The following TM6SF1 variants were observed in gnomAD, a reference collection of about 807,000 sequenced individuals.
The protein encoded by TM6SF1 is transmembrane 6 superfamily member 1.
TM6SF1 carries 43 observed loss-of-function variants against 47.1 expected under a neutral mutation model. The observed-to-expected ratio is 0.91, with a 90% CI of 0.72 to 1.18. The LOEUF is 1.18. TM6SF1 is among the 50% of genes most tolerant of loss of function. The pLI, the probability that TM6SF1 is intolerant of heterozygous loss-of-function variation, is 0.00. For missense variants in TM6SF1, 390 were observed against 449.0 expected (o/e 0.87, Z 1.19); for synonymous variants, 177 against 166.3 (o/e 1.06, Z -0.49).
chr15:83,112,298 CACATA>C (rs1005392519), intron 1 of TM6SF1, among the ~76,000 whole-genome samples: 38 of 152,312 alleles, frequency 2.5e-4, no homozygotes, highest in African/African-American at 7.9e-4. Context: ...TTTGACTATA[CACATA>C]ACATAAGGTC....
At chr15:83,136,430 C>T in intron 9 of TM6SF1, 51 bp from the exon 10 acceptor site, 1 of 1,495,892 alleles carries the variant, frequency 6.7e-7, no homozygotes, top group Non-Finnish European at 9.0e-7. Context: ...ATCATGCATC[C>T]AACTGAACAC....
chr15:83,112,682 A>G (rs1836054916), intron 1 of TM6SF1, 115 bp from the exon 2 acceptor site: 4 of 778,700 alleles, frequency 5.1e-6, no homozygotes, highest in Admixed American at 4.0e-5. Flanking sequence ...AGGCAGAGGC[A>G]GAATTATGGA....
chr15:83,118,233 A>G (rs556926328), intron 3 of TM6SF1, among the ~76,000 whole-genome samples: 857 of 62,144 alleles, frequency 0.014, 7 homozygotes, highest in African/African-American at 0.084. Flanking sequence ...CTGTACGTAC[A>G]CACACACACA....
chr15:83,118,975 G>A (rs2034960959), intron 3 of TM6SF1, among the ~76,000 whole-genome samples: 1 of 152,116 alleles, frequency 6.6e-6, no homozygotes, highest in African/African-American at 2.4e-5. Context: ...GGAAAGTCTT[G>A]TAATCTCAGA....
chr15:83,108,019 C>T, intron 1 of TM6SF1: 1 of 726,452 alleles, frequency 1.4e-6, no homozygotes, highest in Non-Finnish European at 1.9e-6. Context: ...GCCAGCACCG[C>T]GCCAGGTGCC....
intron 7 of TM6SF1, 91 bp downstream of exon 7, chr15:83,124,867 A>G (rs2035590272): frequency 1.7e-6 from 2 of 1,180,652 alleles, no homozygotes; most frequent in Admixed American, 1.9e-5. Flanking sequence ...TTGTTTTTCC[A>G]TCAGACTTCT....
chr15:83,122,106 A>C, intron 5 of TM6SF1, 103 bp downstream of exon 5: 1 of 945,174 alleles, frequency 1.1e-6, no homozygotes, highest in Non-Finnish European at 1.6e-6. Flanking sequence ...AGTGATTCCA[A>C]GCTTACTAAA....
At position 83,124,733 on chromosome 15, in the gene TM6SF1, T is replaced by C. The variant is rs1438330709; in HGVS notation, c.665T>C (p.Val222Ala). 6.2e-7 allele frequency: 1 copy of C among 1,614,182 alleles called. No individual in the cohort carries two copies. The highest frequency in any genetic ancestry group is 8.5e-7 in the Non-Finnish European group (1 of 1,180,028). ...AGACCATTTGATTTAATGTTGGTTG[T>C]GTGTCTCCTCCTGGCAACTGGATTT... ...LRRPFDLMLV[V>A]CLLLATGFCL... is the part of the protein sequence containing the mutation. The change falls in exon 7 of 10, where the codon GTG (valine) becomes GCG (alanine). Residue 222 changes from valine to alanine, a missense_variant. Physicochemically the swap from Val to Ala is moderately conservative, Grantham distance 64. Coordinates refer to ENST00000322019, the MANE Select transcript of TM6SF1 (RefSeq NM_023003.5).
At chr15:83,123,302 A>G (rs1471401828) in intron 6 of TM6SF1, among the ~76,000 whole-genome samples, 1 of 152,160 alleles carries the variant, frequency 6.6e-6, no homozygotes, top group African/African-American at 2.4e-5. Context: ...GGTAGTCTAC[A>G]CAGCCATACA....
intron 9 of TM6SF1, chr15:83,133,544 G>C (rs1253991274): frequency 6.6e-6 from 1 of 152,176 alleles, no homozygotes; most frequent in East Asian, 1.9e-4. Flanking sequence ...GAATGAAGTG[G>C]AAGAAAAATT....
At chr15:83,134,113 G>T (rs1938155515) in intron 9 of TM6SF1, 1 of 152,140 alleles carries the variant, frequency 6.6e-6, no homozygotes, top group Non-Finnish European at 1.5e-5. Flanking sequence ...ACAGTCACAA[G>T]TCCATTGTTG....
At chr15:83,121,828 G>A in intron 4 of TM6SF1, 93 bp from the exon 5 acceptor site, 1 of 922,264 alleles carries the variant, frequency 1.1e-6, no homozygotes, top group Non-Finnish European at 1.7e-6. Flanking sequence ...TACTTTACTA[G>A]TTTGAATACA....
chr15:83,107,822 G>T lies in TM6SF1; in HGVS notation c.92+50G>T, dbSNP rs2033800688. 1.3e-6 allele frequency: 2 copies of T among 1,536,642 alleles called. No homozygotes were observed. Among genetic ancestry groups the T allele is most frequent in the African/African-American group, 2.9e-5 (2 of 69,990 alleles). ...TCGCGCCGAGGGGCGGCGGGAGTTG[G>T]CTCGCCGCGACGGGAGCCTCGCAAC... On this transcript the variant is annotated intron_variant, in intron 1 of 9. Transcript: ENST00000322019. This position sits in a 1 kb window ranked among gnomAD's most constrained non-coding sequence, Gnocchi z 5.6.
chr15:83,124,713 A>G lies in TM6SF1; in HGVS notation c.645A>G (p.Pro215=). 6.2e-7 allele frequency: 1 copy of G among 1,614,118 alleles called. No homozygotes were observed. The highest frequency in any genetic ancestry group is 2.2e-5 in the East Asian group (1 of 44,876). The change falls in exon 7 of 10, where the codon CCA becomes CCG. Residue 215 remains proline (P), a synonymous_variant. Coordinates refer to ENST00000322019, the MANE Select transcript of TM6SF1 (RefSeq NM_023003.5). ...EAQAKDLLRR[P]FDLMLVVCLL... The stretch of plus-strand genomic sequence containing the variant: ...AAGCGAAAGACCTGCTGAGAAGACC[A>G]TTTGATTTAATGTTGGTTGTGTGTC...
At chr15:83,127,334 A>G (rs767653249) in intron 8 of TM6SF1, 24 bp from the exon 9 acceptor site, 7 of 1,548,568 alleles carry the variant, frequency 4.5e-6, no homozygotes, top group Non-Finnish European at 6.1e-6. Flanking sequence ...TTTGCTGATG[A>G]TGTTATTTCT....
At chr15:83,112,937 T>A in intron 2 of TM6SF1, 37 bp downstream of exon 2, 2 of 1,470,890 alleles carry the variant, frequency 1.4e-6, no homozygotes, top group Non-Finnish European at 1.9e-6. Context: ...TGTATCTGAT[T>A]AATAACACAA....
intron 6 of TM6SF1, among the ~76,000 whole-genome samples, chr15:83,123,780 A>C (rs527388865): frequency 6.6e-6 from 1 of 152,342 alleles, no homozygotes; most frequent in Admixed American, 6.5e-5. Flanking sequence ...TAAAGGTTCC[A>C]TGTCAGTGTG....
intron 9 of TM6SF1, chr15:83,129,032 T>C (rs2036010319): frequency 6.6e-6 from 1 of 152,202 alleles, no homozygotes; most frequent in Admixed American, 6.5e-5. Flanking sequence ...GATCTTATTT[T>C]GTTGCCCAGC....
rs752529131 is a variant in TM6SF1 at position 83,127,485 on chromosome 15, G to C, written c.921+8G>C. 8 of 1,612,476 alleles carry C rather than the reference G, an allele frequency of 5.0e-6. No homozygotes were observed. In the Admixed American group the frequency reaches 1.2e-4, roughly 24 times the overall value. On this transcript the variant is annotated splice_region_variant and intron_variant, in intron 9 of 9. Transcript: ENST00000322019. ...GCTGGAGGTCTGGCTCAGGTACTAA[G>C]AATATTCTGTTGAGAAGGTTTACTT...
Sources: allele counts gnomAD v4.1 joint callset (sites outside exome capture counted in the v4.1 genomes callset), GRCh38; gene constraint gnomAD v4.1.1; non-coding constraint Gnocchi (gnomAD v3.1); transcripts MANE v1.5; gene names NCBI Gene and HGNC (gene_info 2026-07-23, HGNC 2026-07-21).